Variants in RASA2 observed in about 807,000 individuals in gnomAD.
RASA2 encodes the protein RAS p21 protein activator 2, also known as ras GTPase-activating protein 2.
A neutral mutation model predicts 118.2 loss-of-function variants in RASA2; 155 were observed. The observed-to-expected ratio is 1.31, with a 90% CI of 1.15 to 1.50. RASA2 has a LOEUF of 1.50. Among genes scored for constraint, RASA2 ranks in the 40% most tolerant of loss-of-function variants. The probability of loss-of-function intolerance (pLI) is 0.00; values close to 1 mark genes in which losing one functional copy is unlikely to be tolerated. For missense variants in RASA2, 1,016 were observed against 1,009.6 expected, an observed-to-expected ratio of 1.01 and a Z score of -0.09; for synonymous variants, 353 against 349.1, an observed-to-expected ratio of 1.01 and a Z score of -0.12.
At chr3:141,534,805 A>G (rs892548464) in intron 4 of RASA2, among the ~76,000 whole-genome samples, 25 of 152,148 alleles carry the variant, frequency 1.6e-4, no homozygotes, top group Admixed American at 1.6e-3. Flanking sequence ...ATTCTAGATC[A>G]TATTAAATAC....
At chr3:141,597,848 T>C (rs973310416) in intron 19 of RASA2, among the ~76,000 whole-genome samples, 1 of 149,722 alleles carries the variant, frequency 6.7e-6, no homozygotes, top group Non-Finnish European at 1.5e-5. Flanking sequence ...GAAAAAAAAA[T>C]CAAACACAAA....
chr3:141,514,313 A>G (rs563780468), intron 2 of RASA2, among the ~76,000 whole-genome samples: 1 of 152,358 alleles, frequency 6.6e-6, no homozygotes, highest in Admixed American at 6.5e-5. Flanking sequence ...GGACATTGTT[A>G]GTCATCAGGA....
At chr3:141,524,752 G>C (rs947119303) in intron 3 of RASA2, among the ~76,000 whole-genome samples, 1 of 151,938 alleles carries the variant, frequency 6.6e-6, no homozygotes, top group African/African-American at 2.4e-5. Context: ...TGCCACGCTC[G>C]GCTAATTTTT....
chr3:141,593,025 C>T (rs2083311090), intron 19 of RASA2, among the ~76,000 whole-genome samples: 1 of 152,084 alleles, frequency 6.6e-6, no homozygotes, highest in African/African-American at 2.4e-5. Context: ...GAATTTGACC[C>T]TTGAAAGAAA....
intron 1 of RASA2, among the ~76,000 whole-genome samples, chr3:141,497,485 A>G (rs2081720570): frequency 6.6e-6 from 1 of 152,172 alleles, no homozygotes; most frequent in African/African-American, 2.4e-5. Flanking sequence ...TTGGAAGACT[A>G]TCCTATCTGC....
chr3:141,559,125 A>G (rs1186846424), intron 8 of RASA2, among the ~76,000 whole-genome samples, 163 bp downstream of exon 8: 1 of 152,130 alleles, frequency 6.6e-6, no homozygotes, highest in Non-Finnish European at 1.5e-5. Flanking sequence ...TTATCTTTCC[A>G]AAGTCTGATT....
At chr3:141,571,773 T>C (rs1029761480) in intron 11 of RASA2, among the ~76,000 whole-genome samples, 13 of 152,124 alleles carry the variant, frequency 8.5e-5, no homozygotes, top group Non-Finnish European at 1.3e-4. Flanking sequence ...TTTCTTTAAC[T>C]CAGGAAATTT....
rs1399573036 is a variant in RASA2, at chr3:141,531,640, T to C, written c.450+1838T>C. On this transcript the variant is annotated intron_variant, in intron 4 of 23. Coordinates refer to ENST00000286364, the MANE Select transcript of RASA2 (RefSeq NM_006506.5). The stretch of plus-strand genomic sequence containing the variant: ...AAGCAACAGTTACCCAGATATAATA[T>C]AGTCATTTAAAAATTTTGTACAAGT... Among the ~76,000 whole-genome samples the C allele has an allele frequency of 3.9e-5, 6 of 152,102 alleles. No homozygotes were observed. In the East Asian group the frequency reaches 7.7e-4, roughly 20 times the overall value.
chr3:141,573,413 C>T (rs1336741891), intron 13 of RASA2, among the ~76,000 whole-genome samples, 192 bp downstream of exon 13: 2 of 152,134 alleles, frequency 1.3e-5, no homozygotes, highest in Non-Finnish European at 2.9e-5. Flanking sequence ...AGTGGTTTCA[C>T]TTTATTTTTG....
At chr3:141,517,934 C>T (rs991769725) in intron 3 of RASA2, among the ~76,000 whole-genome samples, 5 of 151,928 alleles carry the variant, frequency 3.3e-5, no homozygotes, top group Admixed American at 1.3e-4. Context: ...GGATTACAGG[C>T]GTCAGCCACT....
At chr3:141,563,719 G>T (rs946698543) in intron 9 of RASA2, among the ~76,000 whole-genome samples, 22 of 152,096 alleles carry the variant, frequency 1.4e-4, no homozygotes, top group Admixed American at 1.4e-3. Flanking sequence ...CTTGTCTAAG[G>T]TCACACAGCT....
intron 14 of RASA2, among the ~76,000 whole-genome samples, chr3:141,575,472 G>A (rs1321211243): frequency 6.6e-6 from 1 of 152,180 alleles, no homozygotes; most frequent in African/African-American, 2.4e-5. Context: ...TAACCACATT[G>A]ACTACTTAGT....
intron 1 of RASA2, among the ~76,000 whole-genome samples, chr3:141,511,033 T>C (rs2081943453): frequency 6.6e-6 from 1 of 152,182 alleles, no homozygotes; most frequent in Non-Finnish European, 1.5e-5. Flanking sequence ...AAGATTGTGG[T>C]GGCTTGGACT....
intron 9 of RASA2, among the ~76,000 whole-genome samples, chr3:141,569,947 G>T (rs2082889943): frequency 6.6e-6 from 1 of 152,106 alleles, no homozygotes; most frequent in East Asian, 1.9e-4. Flanking sequence ...ATCCATGTTA[G>T]TGCAAAGGAC....
At chr3:141,531,618 C>T (rs1262856177) in intron 4 of RASA2, among the ~76,000 whole-genome samples, 6 of 151,850 alleles carry the variant, frequency 4.0e-5, no homozygotes, top group African/African-American at 1.2e-4. Flanking sequence ...ATTGGGGAAG[C>T]AACAGTTACC....
intron 6 of RASA2, among the ~76,000 whole-genome samples, chr3:141,554,981 C>A (rs2082626931): frequency 6.6e-6 from 1 of 152,036 alleles, no homozygotes; most frequent in Non-Finnish European, 1.5e-5. Flanking sequence ...AAAAGTCTGG[C>A]CAGGCGCAGG....
chr3:141,507,054 A>C (rs2081880288), intron 1 of RASA2, among the ~76,000 whole-genome samples: 1 of 152,236 alleles, frequency 6.6e-6, no homozygotes, highest in Non-Finnish European at 1.5e-5. Flanking sequence ...GTGAAGGTAG[A>C]TACAACTATA....
chr3:141,593,494 T>C (rs559120736), intron 19 of RASA2, among the ~76,000 whole-genome samples: 40 of 152,232 alleles, frequency 2.6e-4, no homozygotes, highest in Admixed American at 1.8e-3. Flanking sequence ...AGGCTGGAAA[T>C]TGAGGCATAA....
intron 23 of RASA2, 40 bp downstream of exon 23, chr3:141,610,106 G>C: frequency 6.7e-7 from 1 of 1,481,910 alleles, no homozygotes; most frequent in Non-Finnish European, 9.1e-7. Flanking sequence ...ATTTTTAAAC[G>C]GAGTTTGAGA....
Sources: allele counts gnomAD v4.1 joint callset (sites outside exome capture counted in the v4.1 genomes callset), GRCh38; gene constraint gnomAD v4.1.1; transcripts MANE v1.5; gene names NCBI Gene and HGNC (gene_info 2026-07-23, HGNC 2026-07-21).